NCAM2: variants seen among roughly 807,000 people sequenced by gnomAD.
NCAM2 encodes the protein N-CAM-2.
Under a neutral mutation model 98.1 loss-of-function variants are expected in NCAM2, and 30 were observed. The ratio of observed to expected loss-of-function variants is 0.31; its 90% CI spans 0.23 to 0.41. The LOEUF (loss-of-function observed/expected upper bound fraction) is 0.41, where lower values mean the gene tolerates loss of function less well. Ranked by LOEUF, NCAM2 falls within the 10% of genes least tolerant of loss-of-function variation. The pLI is 1.00. For missense variants in NCAM2, 867 were observed against 1,005.8 expected (o/e 0.86, Z 1.87); for synonymous variants, 368 against 342.4 (o/e 1.07, Z -0.83).
chr21:21,212,899 C>T (rs752528051), intron 1 of NCAM2, among the ~76,000 whole-genome samples: 6 of 151,982 alleles, frequency 3.9e-5, no homozygotes, highest in Non-Finnish European at 7.4e-5. Flanking sequence ...CCCGACACCA[C>T]GTGGGGCTAA....
At chr21:21,479,327 T>C (rs1458367403) in intron 15 of NCAM2, among the ~76,000 whole-genome samples, 1 of 151,798 alleles carries the variant, frequency 6.6e-6, no homozygotes, top group Admixed American at 6.6e-5. Context: ...CTCACACCTG[T>C]AATCCCAGCA....
At chr21:21,064,127 A>C (rs1297890690) in intron 1 of NCAM2, among the ~76,000 whole-genome samples, 3 of 152,194 alleles carry the variant, frequency 2.0e-5, no homozygotes, top group Non-Finnish European at 4.4e-5. Context: ...TGTTGGAAAC[A>C]AAATTAGGTC....
At chr21:21,472,689 A>G (rs1381587528) in intron 14 of NCAM2, among the ~76,000 whole-genome samples, 1 of 151,950 alleles carries the variant, frequency 6.6e-6, no homozygotes, top group Non-Finnish European at 1.5e-5. Context: ...AGAAATAAGA[A>G]ACACAAGAAA....
chr21:21,385,561 A>G, intron 9 of NCAM2: 1 of 1,037,510 alleles, frequency 9.6e-7, no homozygotes. Flanking sequence ...AAGGTGTTAG[A>G]AAATTAAGCC....
intron 8 of NCAM2, among the ~76,000 whole-genome samples, chr21:21,372,319 G>T (rs1425978145): frequency 6.6e-6 from 1 of 151,560 alleles, no homozygotes; most frequent in Admixed American, 6.6e-5. Flanking sequence ...TTCTAGAAGG[G>T]CAAAGAACAT....
At chr21:21,349,197 A>C (rs2075270334) in intron 8 of NCAM2, among the ~76,000 whole-genome samples, 1 of 152,184 alleles carries the variant, frequency 6.6e-6, no homozygotes, top group South Asian at 2.1e-4. Context: ...CAAGGGATTA[A>C]CCAGAATATA....
chr21:21,198,892 G>T (rs1275253516), intron 1 of NCAM2, among the ~76,000 whole-genome samples: 3 of 152,050 alleles, frequency 2.0e-5, no homozygotes, highest in East Asian at 1.9e-4. Flanking sequence ...TCAAATAAAA[G>T]GATGCAAACA....
At chr21:21,518,193 C>T (rs971523587) in intron 16 of NCAM2, among the ~76,000 whole-genome samples, 1 of 151,942 alleles carries the variant, frequency 6.6e-6, no homozygotes, top group African/African-American at 2.4e-5. Flanking sequence ...TTTACATCAC[C>T]AAGCCTTTTT....
At chr21:21,315,436 A>G (rs990702966) in intron 5 of NCAM2, among the ~76,000 whole-genome samples, 1 of 152,128 alleles carries the variant, frequency 6.6e-6, no homozygotes, top group African/African-American at 2.4e-5. Context: ...GATCTTATTT[A>G]TCTCTCTCTG....
At chr21:21,352,685 A>G (rs1280415023) in intron 8 of NCAM2, among the ~76,000 whole-genome samples, 1 of 151,310 alleles carries the variant, frequency 6.6e-6, no homozygotes, top group East Asian at 2.0e-4. Context: ...TACATGTAAC[A>G]ATATCTCAGA....
At chr21:21,331,439 T>C (rs1322351108) in intron 6 of NCAM2, among the ~76,000 whole-genome samples, 2 of 124,544 alleles carry the variant, frequency 1.6e-5, no homozygotes, top group Admixed American at 9.1e-5. Context: ...TGCCTGGTGA[T>C]TTTTCTCCTT....
At chr21:21,172,721 C>T (rs1250599885) in intron 1 of NCAM2, among the ~76,000 whole-genome samples, 2 of 152,084 alleles carry the variant, frequency 1.3e-5, no homozygotes, top group South Asian at 4.1e-4. Flanking sequence ...ATACTTTAGT[C>T]ATTGAATATA....
chr21:21,149,784 T>G (rs2067393596), intron 1 of NCAM2, among the ~76,000 whole-genome samples: 1 of 152,230 alleles, frequency 6.6e-6, no homozygotes, highest in Non-Finnish European at 1.5e-5. Flanking sequence ...ATGGTGTATA[T>G]GTGCCACATT....
intron 1 of NCAM2, among the ~76,000 whole-genome samples, chr21:21,254,132 T>C (rs1427211212): frequency 6.6e-6 from 1 of 152,328 alleles, no homozygotes; most frequent in East Asian, 1.9e-4. Context: ...TTTTATTTAG[T>C]TTCATTTGTC....
At chr21:21,382,563 T>G (rs2076179006) in intron 9 of NCAM2, among the ~76,000 whole-genome samples, 1 of 151,080 alleles carries the variant, frequency 6.6e-6, no homozygotes, top group African/African-American at 2.4e-5. Context: ...TCGCCCAGGC[T>G]GGAGTGCAAT....
intron 16 of NCAM2, among the ~76,000 whole-genome samples, chr21:21,529,144 C>T (rs1989488389): frequency 1.3e-5 from 2 of 152,020 alleles, no homozygotes; most frequent in African/African-American, 4.8e-5. Flanking sequence ...TTCATCCCCC[C>T]TTATGAAAGT....
In NCAM2 at chr21:21,508,808, C is replaced by CTTTTTTTTTT. The variant is rs764097299; in HGVS notation, c.2078-20_2078-11dup. The CTTTTTTTTTT allele has an allele frequency of 2.0e-3, 826 of 413,348 alleles. 88 individuals carry two copies. The highest frequency in any genetic ancestry group is 3.3e-3 in the African/African-American group (96 of 29,384). 25.6% of individuals were successfully genotyped at this position (413,348 alleles called of 1,614,324 possible). On this transcript the variant is annotated intron_variant, in intron 15 of 17. Coordinates refer to ENST00000400546, the MANE Select transcript of NCAM2 (RefSeq NM_004540.5). ...ATTTAGAGGTTTAATACTTTTTTTC[C>CTTTTTTTTTT]TTTTTTTTTTTTTTTTTTTTTTTTT...
At chr21:21,445,629 G>A (rs1437277845) in intron 12 of NCAM2, among the ~76,000 whole-genome samples, 1 of 151,582 alleles carries the variant, frequency 6.6e-6, no homozygotes, top group East Asian at 1.9e-4. Context: ...GGTTTAAAGT[G>A]TGTTTCATCA....
intron 1 of NCAM2, among the ~76,000 whole-genome samples, chr21:21,007,368 A>C (rs1568920499): frequency 6.6e-6 from 1 of 152,172 alleles, no homozygotes; most frequent in East Asian, 1.9e-4. Flanking sequence ...CACAAGAAAG[A>C]ATTCAGGGCA....
Sources: gnomAD v4.1 joint callset for allele counts (sites outside exome capture counted in the v4.1 genomes callset) on GRCh38, gnomAD v4.1.1 for gene constraint, MANE v1.5 for transcripts, NCBI Gene and HGNC (gene_info 2026-07-23, HGNC 2026-07-21) for gene names.